The following CENPI variants were observed in gnomAD, a reference collection of about 807,000 sequenced individuals.
CENPI encodes the protein FSH primary response 1.
CENPI carries 4 observed loss-of-function variants against 60.4 expected under a neutral mutation model. The observed-to-expected ratio is 0.07, with a 90% CI of 0.03 to 0.15. The LOEUF is 0.15. Among genes scored for constraint, CENPI ranks in the 10% least tolerant of loss-of-function variants. CENPI has a pLI of 1.00. For synonymous variants in CENPI, 157 were observed against 189.4 expected (o/e 0.83, Z 1.40); for missense variants, 444 against 534.5 (o/e 0.83, Z 1.67).
intron 20 of CENPI, among the ~76,000 whole-genome samples, chrX:101,160,833 T>C (rs1002017511): frequency 8.9e-6 from 1 of 111,788 alleles, no homozygotes; most frequent in Non-Finnish European, 1.9e-5. Context: ...TATACACATA[T>C]TGAAACATTG....
At chrX:101,172,505 C>G in the CENPI span, among the ~76,000 whole-genome samples, 6 of 110,032 alleles carry the variant, frequency 5.5e-5, no homozygotes, top group Non-Finnish European at 9.5e-5. Context: ...ACCTCAAAGA[C>G]ACTATGCTAT....
intron 20 of CENPI, among the ~76,000 whole-genome samples, 174 bp from the exon 21 acceptor site, chrX:101,161,354 T>A (rs1044859206): frequency 1.8e-5 from 2 of 112,510 alleles, no homozygotes; most frequent in Non-Finnish European, 3.7e-5. Context: ...TTAAAGCTGA[T>A]GGATATTTGA....
At chrX:101,123,235 C>G (rs780788030) in intron 8 of CENPI, among the ~76,000 whole-genome samples, 1 of 112,013 alleles carries the variant, frequency 8.9e-6, no homozygotes, top group East Asian at 2.8e-4. Context: ...ATTGGATGTG[C>G]GAATTTCTGA....
In CENPI at chrX:101,101,534, T is replaced by C. The variant is rs760654412; in HGVS notation, c.226+238T>C. Among the ~76,000 whole-genome samples, 4 of 110,177 alleles carry C rather than the reference T, an allele frequency of 3.6e-5. No individual in the cohort carries two copies. The East Asian group carries it at 1.1e-3, about 31-fold the overall frequency. On this transcript the variant is annotated intron_variant, in intron 3 of 21. Coordinates refer to ENST00000682095, the MANE Select transcript of CENPI (RefSeq NM_001386188.2). ...ATTGGGATCACTTGAGAACCTTTTT[T>C]TCTTTTTTTTTTTCCTCCCTCTCTA...
rs1157815750 is a variant in CENPI at position 101,146,228 on chromosome X, C to T, written c.1777C>T (p.Leu593Phe). The T allele has an allele frequency of 8.3e-7, 1 of 1,208,781 alleles. No individual in the cohort carries two copies. Among genetic ancestry groups the T allele is most frequent in the African/African-American group, 1.7e-5 (1 of 57,738 alleles). Reference protein sequence around the residue: ...FPPGIFYSALLSLDTSILNQL... With the variant: ...FPPGIFYSALFSLDTSILNQL... ...TCCTGGGATCTTCTATTCTGCACTC[C>T]TCAGCCTGGATACCAGCATCCTGAA... Residue 593 changes from leucine to phenylalanine, a missense_variant, in exon 18 of 22, where the codon CTC becomes TTC. Coordinates refer to ENST00000682095, the MANE Select transcript of CENPI (RefSeq NM_001386188.2).
intron 4 of CENPI, among the ~76,000 whole-genome samples, chrX:101,108,376 C>A (rs745599951): frequency 3.6e-4 from 39 of 109,700 alleles, no homozygotes; most frequent in African/African-American, 1.3e-3. Context: ...TTTTTTTTCC[C>A]ATAGAGACGG....
At chrX:101,147,585 T>C (rs1220396591) in intron 18 of CENPI, among the ~76,000 whole-genome samples, 178 bp from the exon 19 acceptor site, 1 of 112,148 alleles carries the variant, frequency 8.9e-6, no homozygotes, top group Non-Finnish European at 1.9e-5. Flanking sequence ...CTATTTTCAC[T>C]TGAGGAGAAT....
chrX:101,117,953 C>T (rs924716639), intron 6 of CENPI, among the ~76,000 whole-genome samples: 4 of 112,089 alleles, frequency 3.6e-5, no homozygotes, highest in Non-Finnish European at 5.6e-5. Context: ...GGCAGGAAAG[C>T]GGTCAGGGTC....
At chrX:101,123,862 A>G (rs2089705619) in intron 8 of CENPI, among the ~76,000 whole-genome samples, 1 of 111,754 alleles carries the variant, frequency 8.9e-6, no homozygotes, top group South Asian at 3.7e-4. Context: ...TGCTGGGATT[A>G]CAGGTGTGAG....
At chrX:101,177,242 A>G in the CENPI span, among the ~76,000 whole-genome samples, 1 of 111,202 alleles carries the variant, frequency 9.0e-6, no homozygotes, top group East Asian at 2.8e-4. Context: ...TTTGCTCCCA[A>G]GCTATCCACA....
At chrX:101,133,627 CAAG>C (rs751476200) in intron 15 of CENPI, among the ~76,000 whole-genome samples, 20 of 109,875 alleles carry the variant, frequency 1.8e-4, no homozygotes, top group Non-Finnish European at 3.2e-4. Context: ...ATTCTCAGGC[CAAG>C]AAGGAGGACA....
intron 2 of CENPI, chrX:101,099,765 C>CATT (rs2089390128): frequency 9.9e-6 from 1 of 101,221 alleles, no homozygotes; most frequent in South Asian, 4.7e-4. Context: ...GTATTATATT[C>CATT]ATTATTGTTT....
At chrX:101,160,372 GTT>G (rs1241770952) in intron 20 of CENPI, among the ~76,000 whole-genome samples, 1 of 91,899 alleles carries the variant, frequency 1.1e-5, no homozygotes, top group Non-Finnish European at 2.1e-5. Context: ...TTAGCTTTTA[GTT>G]CTTTTTTTTT....
rs142357793 is a variant in CENPI, at chrX:101,162,704, T to C, written c.2137-129T>C. ...AATGTTACTTAGTGACTGAGCTCAT[T>C]TCCCCCCCGAACTAATTTTGATATG... On this transcript the variant is annotated intron_variant, in intron 21 of 21. Coordinates refer to ENST00000682095, the MANE Select transcript of CENPI (RefSeq NM_001386188.2). The C allele has an allele frequency of 9.6e-4, 644 of 673,419 alleles. 1 individual carries two copies. In the African/African-American group the frequency reaches 0.012, roughly 12 times the overall value. The allele number at this position is 673,419 out of a possible 1,213,427, so 55.5% of individuals were successfully genotyped here.
downstream of CENPI, among the ~76,000 whole-genome samples, chrX:101,166,934 G>A (rs751283803): frequency 2.0e-4 from 22 of 111,684 alleles, no homozygotes; most frequent in African/African-American, 6.5e-4. Context: ...TAATTTTTGT[G>A]TTTTTAGTAG....
intron 15 of CENPI, among the ~76,000 whole-genome samples, chrX:101,139,410 T>C (rs2089889715): frequency 9.0e-6 from 1 of 111,410 alleles, no homozygotes; most frequent in East Asian, 2.8e-4. Flanking sequence ...TTTTGTTTTC[T>C]AAATGTAACA....
chrX:101,148,086 G>A lies in CENPI; in HGVS notation c.2019G>A (p.Val673=). The A allele has an allele frequency of 1.7e-6, 2 of 1,180,707 alleles. No homozygotes were observed. Among genetic ancestry groups the A allele is most frequent in the South Asian group, 3.9e-5 (2 of 51,065 alleles). Residue 673 remains valine, a synonymous_variant, in exon 20 of 22, where the codon GTG becomes GTA. Transcript: ENST00000682095. ...CTGAAATCCTAGAAAAAACTGGAGT[G>A]GCTGAATATAAAAACAGTTTAAATG... ...IDPEILEKTG[V]AEYKNSLNVV...
Position 101,163,122 on chromosome X carries a change from C to T in CENPI, c.*155C>T. The T allele has an allele frequency of 1.9e-6, 1 of 515,676 alleles. No individual in the cohort carries two copies. Among genetic ancestry groups the T allele is most frequent in the Non-Finnish European group, 3.0e-6 (1 of 328,984 alleles). The allele number at this position is 515,676 out of a possible 1,213,427, so 42.5% of individuals were successfully genotyped here. Reference sequence around the variant, plus strand: ...CCTTCTGTTCATGGCTTAGGAGAGCCTTGGTGTGCCTAACTGATTTTTCAA... The same window carrying T: ...CCTTCTGTTCATGGCTTAGGAGAGCTTTGGTGTGCCTAACTGATTTTTCAA... On this transcript the variant is annotated 3_prime_UTR_variant, in exon 22 of 22. Transcript: ENST00000682095.
chrX:101,122,912 TG>T (rs1420417787), intron 8 of CENPI, among the ~76,000 whole-genome samples: 1 of 112,486 alleles, frequency 8.9e-6, no homozygotes, highest in Non-Finnish European at 1.9e-5. Flanking sequence ...CTTGCTGATT[TG>T]TTTTGTATTA....
Sources: gnomAD v4.1 joint callset for allele counts (sites outside exome capture counted in the v4.1 genomes callset) on GRCh38, gnomAD v4.1.1 for gene constraint, MANE v1.5 for transcripts, NCBI Gene and HGNC (gene_info 2026-07-23, HGNC 2026-07-21) for gene names.